The following ITGA1 variants were observed in gnomAD, a reference collection of about 807,000 sequenced individuals.
The protein encoded by ITGA1 is integrin alpha-1.
In ITGA1, 85 loss-of-function variants were observed where a neutral mutation model predicts 145.9. The observed-to-expected ratio is 0.58, with a 90% CI of 0.49 to 0.70. The LOEUF (loss-of-function observed/expected upper bound fraction) is 0.70. ITGA1 is among the 30% of genes least tolerant of loss of function. ITGA1 has a pLI of 0.00. For synonymous variants in ITGA1, 520 were observed against 495.3 expected (o/e 1.05, Z -0.66); for missense variants, 1,351 against 1,418.7 (o/e 0.95, Z 0.77).
chr5:52,888,248 A>G (rs1336133922), intron 8 of ITGA1, among the ~76,000 whole-genome samples: 1 of 152,026 alleles, frequency 6.6e-6, no homozygotes, highest in Non-Finnish European at 1.5e-5. Flanking sequence ...GCAAAAACAT[A>G]AGAAGGAAGG....
At chr5:52,796,148 T>TAA (rs546540911) in intron 1 of ITGA1, among the ~76,000 whole-genome samples, 4 of 151,964 alleles carry the variant, frequency 2.6e-5, no homozygotes, top group Non-Finnish European at 5.9e-5. Flanking sequence ...TTCAGTGAAA[T>TAA]AAATTGGGTT....
chr5:52,859,241 C>G (rs1437908149), intron 2 of ITGA1, among the ~76,000 whole-genome samples: 1 of 152,072 alleles, frequency 6.6e-6, no homozygotes, highest in African/African-American at 2.4e-5. Flanking sequence ...TTTCATCCTA[C>G]CATACAATGA....
At chr5:52,878,835 T>C (rs1388851169) in intron 6 of ITGA1, among the ~76,000 whole-genome samples, 1 of 151,906 alleles carries the variant, frequency 6.6e-6, no homozygotes, top group East Asian at 1.9e-4. Context: ...GAGGAGGAGA[T>C]AATTGGATTT....
intron 1 of ITGA1, among the ~76,000 whole-genome samples, chr5:52,833,100 G>A (rs563919728): frequency 6.6e-6 from 1 of 152,000 alleles, no homozygotes; most frequent in South Asian, 2.1e-4. Flanking sequence ...GCTGATGTGG[G>A]AGGATCACTT....
intron 1 of ITGA1, chr5:52,801,934 A>C: frequency 1.1e-6 from 1 of 872,126 alleles, no homozygotes; most frequent in Non-Finnish European, 1.7e-6. Context: ...CAAGAATGGC[A>C]CTTTTTGATT....
chr5:52,941,494 A>G (rs1751053616), intron 26 of ITGA1, among the ~76,000 whole-genome samples: 1 of 152,040 alleles, frequency 6.6e-6, no homozygotes, highest in Non-Finnish European at 1.5e-5. Flanking sequence ...TACCTACCTC[A>G]TTTTGGCTTT....
At chr5:52,792,865 A>G (rs530227851) in intron 1 of ITGA1, among the ~76,000 whole-genome samples, 1 of 152,322 alleles carries the variant, frequency 6.6e-6, no homozygotes, top group African/African-American at 2.4e-5. Context: ...TTGCCTATTC[A>G]GAGCAGTCTG....
intron 1 of ITGA1, among the ~76,000 whole-genome samples, chr5:52,829,790 G>A (rs1443489961): frequency 6.6e-6 from 1 of 151,986 alleles, no homozygotes; most frequent in Non-Finnish European, 1.5e-5. Context: ...TGTTACCCAT[G>A]GCACATTCCT....
intron 1 of ITGA1, among the ~76,000 whole-genome samples, chr5:52,810,062 A>G (rs947676279): frequency 1.3e-5 from 2 of 152,240 alleles, no homozygotes; most frequent in East Asian, 1.9e-4. Context: ...CATTTCTTAC[A>G]TGACTAAGCA....
At chr5:52,882,167 GT>G in intron 7 of ITGA1, 146 bp downstream of exon 7, 1 of 639,900 alleles carries the variant, frequency 1.6e-6, no homozygotes, top group Non-Finnish European at 2.5e-6. Context: ...TTAAATAATG[GT>G]TACAAGATCA....
At chr5:52,910,114 T>A in intron 13 of ITGA1, 48 bp from the exon 14 acceptor site, 3 of 1,545,920 alleles carry the variant, frequency 1.9e-6, no homozygotes, top group Non-Finnish European at 2.7e-6. Context: ...TCTACTCTGC[T>A]GTAGTAATGA....
rs372097253 is a variant in ITGA1, at chr5:52,937,363, A to T, written c.2965-38A>T. ...CATAAGACAGAAGAATTCTATTAAA[A>T]GAGGAAGAAAGATTACATTTCCATT... On this transcript the variant is annotated intron_variant, in intron 23 of 28. Coordinates refer to ENST00000282588, the MANE Select transcript of ITGA1 (RefSeq NM_181501.2). 12 of 1,315,062 alleles carry T rather than the reference A, an allele frequency of 9.1e-6. No individual in the cohort carries two copies. The African/African-American group carries it at 1.7e-4, about 19-fold the overall frequency. The allele number at this position is 1,315,062 out of a possible 1,614,324, so 81.5% of individuals were successfully genotyped here. A position where few individuals can be genotyped will look rare whatever the true frequency, so the allele number is the denominator to read the frequency against.
At chr5:52,884,082 C>G (rs1319845940) in intron 7 of ITGA1, among the ~76,000 whole-genome samples, 4 of 152,088 alleles carry the variant, frequency 2.6e-5, no homozygotes, top group Non-Finnish European at 1.5e-5. Flanking sequence ...ATATGATATT[C>G]GCATACAAAG....
chr5:52,901,035 T>C (rs1002209122), intron 11 of ITGA1, among the ~76,000 whole-genome samples: 4 of 152,190 alleles, frequency 2.6e-5, no homozygotes, highest in Admixed American at 2.6e-4. Context: ...CAAAAGGGAC[T>C]TTTCAGATAT....
At chr5:52,910,699 A>C (rs1443655652) in intron 14 of ITGA1, among the ~76,000 whole-genome samples, 1 of 147,036 alleles carries the variant, frequency 6.8e-6, no homozygotes, top group Non-Finnish European at 1.5e-5. Flanking sequence ...CTATATACAC[A>C]CTATATACTA....
chr5:52,919,812 A>T (rs2111870998), intron 16 of ITGA1, among the ~76,000 whole-genome samples: 1 of 152,200 alleles, frequency 6.6e-6, no homozygotes, highest in African/African-American at 2.4e-5. Flanking sequence ...TATTTTCTTT[A>T]TTGTGGTATG....
At chr5:52,820,923 G>C (rs1216058748) in intron 1 of ITGA1, among the ~76,000 whole-genome samples, 2 of 152,140 alleles carry the variant, frequency 1.3e-5, no homozygotes, top group East Asian at 3.8e-4. Context: ...CCAGTGGAAA[G>C]ATGAAACTCT....
At chr5:52,801,086 A>G (rs1397431189) in intron 1 of ITGA1, 2 of 1,609,308 alleles carry the variant, frequency 1.2e-6, no homozygotes, top group African/African-American at 1.3e-5. Context: ...ACCGACAACA[A>G]ACTGCTCCTG....
intron 2 of ITGA1, among the ~76,000 whole-genome samples, chr5:52,851,741 C>A (rs1020292397): frequency 2.0e-5 from 3 of 152,112 alleles, no homozygotes; most frequent in African/African-American, 7.2e-5. Flanking sequence ...TGCCTTATAT[C>A]TTGGTTTACC....
Sources: gnomAD v4.1 joint callset for allele counts (sites outside exome capture counted in the v4.1 genomes callset) on GRCh38, gnomAD v4.1.1 for gene constraint, MANE v1.5 for transcripts, NCBI Gene and HGNC (gene_info 2026-07-23, HGNC 2026-07-21) for gene names.